The following NUGGC variants were observed in gnomAD, a reference collection of about 807,000 sequenced individuals.
NUGGC encodes the protein nuclear GTPase SLIP-GC.
Under a neutral mutation model 92.6 loss-of-function variants are expected in NUGGC, and 58 were observed. That is an observed-to-expected ratio of 0.63 (90% CI 0.51 to 0.78). NUGGC has a LOEUF of 0.78. NUGGC is among the 30% of genes least tolerant of loss of function. The pLI, the probability that NUGGC is intolerant of heterozygous loss-of-function variation, is 0.00. For missense variants in NUGGC, 925 were observed against 964.6 expected (o/e 0.96, Z 0.54); for synonymous variants, 376 against 366.4 (o/e 1.03, Z -0.30).
intron 10 of NUGGC, among the ~76,000 whole-genome samples, chr8:28,051,775 AGCTGGGC>A (rs764715190): frequency 6.6e-6 from 1 of 152,134 alleles, no homozygotes; most frequent in Non-Finnish European, 1.5e-5. Context: ...GTACAAAATT[AGCTGGGC>A]CTGGTGGCCC....
intron 7 of NUGGC, among the ~76,000 whole-genome samples, chr8:28,060,813 C>T (rs574961683): frequency 6.6e-6 from 1 of 152,202 alleles, no homozygotes; most frequent in Non-Finnish European, 1.5e-5. Flanking sequence ...TGCCTAGCCC[C>T]CATTTGTTCC....
intron 1 of NUGGC, among the ~76,000 whole-genome samples, chr8:28,079,203 C>T (rs1236002329): frequency 6.6e-6 from 1 of 152,064 alleles, no homozygotes; most frequent in Non-Finnish European, 1.5e-5. Context: ...GCAACACAAA[C>T]GCAGGTCATT....
intron 18 of NUGGC, among the ~76,000 whole-genome samples, chr8:28,025,791 A>G (rs1381760084): frequency 6.6e-6 from 1 of 152,150 alleles, no homozygotes; most frequent in Non-Finnish European, 1.5e-5. Flanking sequence ...GCAAACTCAA[A>G]TGGCATCAGA....
In NUGGC at chr8:28,070,255, C is replaced by T; in HGVS notation, c.145G>A (p.Glu49Lys). 1.3e-6 allele frequency: 2 copies of T among 1,548,066 alleles called. No homozygotes were observed. Among genetic ancestry groups the T allele is most frequent in the Non-Finnish European group, 8.8e-7 (1 of 1,142,406 alleles). The stretch of plus-strand genomic sequence containing the variant: ...ACAACAGTTCCAAGACACTCACATT[C>T]CTTAAGAGCACTCTGCTCCATGGAG... Reference protein sequence around the residue: ...FPSMEQSALKEYEKLESRTRR... With the variant: ...FPSMEQSALKKYEKLESRTRR... Residue 49 changes from glutamate to lysine, a missense_variant, in exon 3 of 19, where the codon GAA (glutamate) becomes AAA (lysine). Transcript: ENST00000413272.
intron 10 of NUGGC, among the ~76,000 whole-genome samples, chr8:28,049,702 C>G (rs1422348243): frequency 1.3e-5 from 2 of 152,162 alleles, no homozygotes; most frequent in Admixed American, 6.5e-5. Flanking sequence ...CTAATTTAAA[C>G]ACATGGCTTG....
chr8:28,049,281 G>T (rs1809928586), intron 10 of NUGGC, among the ~76,000 whole-genome samples: 1 of 152,078 alleles, frequency 6.6e-6, no homozygotes, highest in Non-Finnish European at 1.5e-5. Flanking sequence ...GTTGCAAAAA[G>T]AATCTATCTG....
At chr8:28,054,856 TG>T (rs1420188265) in intron 10 of NUGGC, among the ~76,000 whole-genome samples, 15 of 152,136 alleles carry the variant, frequency 9.9e-5, no homozygotes, top group African/African-American at 3.6e-4. Flanking sequence ...GAGACCAGCC[TG>T]GGCAACATAG....
At chr8:28,078,237 A>G (rs1042520615) in intron 1 of NUGGC, among the ~76,000 whole-genome samples, 4 of 152,232 alleles carry the variant, frequency 2.6e-5, no homozygotes, top group Admixed American at 6.5e-5. Context: ...TTGGGCTTCA[A>G]ATTCCTTTGG....
chr8:28,050,639 T>C (rs1214457933), intron 10 of NUGGC, among the ~76,000 whole-genome samples: 6 of 151,844 alleles, frequency 4.0e-5, no homozygotes. Context: ...GGTGAAACCC[T>C]GTCTTCACTA....
intron 16 of NUGGC, among the ~76,000 whole-genome samples, chr8:28,030,038 C>T (rs943251295): frequency 1.3e-5 from 2 of 152,048 alleles, no homozygotes; most frequent in African/African-American, 4.8e-5. Context: ...AAATGAGAAC[C>T]TGGACACTGG....
Position 28,067,540 on chromosome 8 carries a change from T to C in NUGGC, c.685A>G (p.Arg229Gly). 2.5e-6 allele frequency: 4 copies of C among 1,611,142 alleles called. No homozygotes were observed. The highest frequency in any genetic ancestry group is 3.4e-6 in the Non-Finnish European group (4 of 1,178,578). ...TCTTCCGCCTTGAGGGTGATGACTC[T>C]GGAGGTGGGGATCTTCCTTTTGGGC... ...AKPKRKIPTS[R>G]VITLKAEEAE... The change falls in exon 6 of 19, where the codon AGA (arginine) becomes GGA (glycine). Residue 229 changes from arginine (R) to glycine (G), a missense_variant. Physicochemically the swap from Arg to Gly is moderately radical, Grantham distance 125. Coordinates refer to ENST00000413272, the MANE Select transcript of NUGGC (RefSeq NM_001010906.2).
intron 17 of NUGGC, among the ~76,000 whole-genome samples, chr8:28,029,035 A>G (rs894753765): frequency 5.9e-5 from 9 of 152,174 alleles, no homozygotes; most frequent in African/African-American, 2.2e-4. Flanking sequence ...GAGCTAATGT[A>G]AATAGCTGAG....
chr8:28,058,340 C>A, intron 8 of NUGGC, 64 bp from the exon 9 acceptor site: 1 of 327,160 alleles, frequency 3.1e-6, no homozygotes, highest in Non-Finnish European at 5.7e-6. Flanking sequence ...TGCAGTCTTT[C>A]GACTTTCCCC....
chr8:28,055,935 A>G, intron 10 of NUGGC, 30 bp downstream of exon 10: 1 of 1,266,536 alleles, frequency 7.9e-7, no homozygotes, highest in Non-Finnish European at 1.1e-6. Flanking sequence ...TGGGATACAG[A>G]AAAACACATA....
intron 13 of NUGGC, among the ~76,000 whole-genome samples, chr8:28,038,325 A>T (rs1391192046): frequency 6.6e-6 from 1 of 152,214 alleles, no homozygotes; most frequent in African/African-American, 2.4e-5. Flanking sequence ...CTGAGCAGGG[A>T]TGTATCTTTC....
intron 18 of NUGGC, among the ~76,000 whole-genome samples, chr8:28,026,614 T>C (rs1008119812): frequency 1.4e-4 from 21 of 152,300 alleles, no homozygotes; most frequent in Non-Finnish European, 2.1e-4. Flanking sequence ...CATTTCCTAA[T>C]ATAAGTCTCT....
chr8:28,043,529 A>G (rs1809752513), intron 12 of NUGGC, among the ~76,000 whole-genome samples: 1 of 152,234 alleles, frequency 6.6e-6, no homozygotes, highest in East Asian at 1.9e-4. Flanking sequence ...AGGAATTTTG[A>G]GCAAAGTTGC....
Position 28,060,418 on chromosome 8 carries a change from C to T in NUGGC, c.1097+8G>A, listed in dbSNP as rs1462354248. ...GGAGCCCACATCCTTGCAAGCCCAG[C>T]ACAATACCTTAGGTATTCTGGCAAG... is the stretch of plus-strand genomic sequence containing the variant. On this transcript the variant is annotated splice_region_variant and intron_variant, in intron 8 of 18. Coordinates refer to ENST00000413272, the MANE Select transcript of NUGGC (RefSeq NM_001010906.2). 1 of 1,613,210 alleles carries T rather than the reference C, an allele frequency of 6.2e-7. No homozygotes were observed. Among genetic ancestry groups the T allele is most frequent in the Non-Finnish European group, 8.5e-7 (1 of 1,179,470 alleles).
chr8:28,056,210 G>A (rs982798877), intron 9 of NUGGC, among the ~76,000 whole-genome samples, 156 bp from the exon 10 acceptor site: 1 of 152,108 alleles, frequency 6.6e-6, no homozygotes, highest in East Asian at 1.9e-4. Flanking sequence ...CGGGCACGGT[G>A]GCTCATGCCT....
Sources: allele counts gnomAD v4.1 joint callset (sites outside exome capture counted in the v4.1 genomes callset), GRCh38; gene constraint gnomAD v4.1.1; transcripts MANE v1.5; gene names NCBI Gene and HGNC (gene_info 2026-07-23, HGNC 2026-07-21).